The following CTBP2 variants were observed in gnomAD, a reference collection of about 807,000 sequenced individuals.
The protein encoded by CTBP2 is C-terminal binding protein 2.
CTBP2 carries 30 observed loss-of-function variants against 80.3 expected under a neutral mutation model. The observed-to-expected ratio is 0.37, with a 90% confidence interval of 0.28 to 0.51. The LOEUF (loss-of-function observed/expected upper bound fraction) is 0.51. CTBP2 is among the 20% of genes least tolerant of loss of function. The probability of loss-of-function intolerance (pLI) is 0.93; values close to 1 mark genes in which losing one functional copy is unlikely to be tolerated. For synonymous variants in CTBP2, 594 were observed against 587.4 expected (o/e 1.01, Z -0.16); for missense variants, 1,212 against 1,375.3 (o/e 0.88, Z 1.88).
At chr10:125,078,966 C>A (rs1846730109) in intron 2 of CTBP2, among the ~76,000 whole-genome samples, 1 of 143,118 alleles carries the variant, frequency 7.0e-6, no homozygotes, top group South Asian at 2.4e-4. Flanking sequence ...TGGTGAAACC[C>A]TGTCTCTACT....
chr10:124,991,752 A>G (rs986936159), intron 8 of CTBP2, among the ~76,000 whole-genome samples: 2 of 152,176 alleles, frequency 1.3e-5, no homozygotes, highest in East Asian at 3.8e-4. Flanking sequence ...GAAGAGAATG[A>G]TCTGGCCCCA....
At position 125,082,589 on chromosome 10, in the gene CTBP2, C is replaced by CTTTT. The variant is rs71486514; in HGVS notation, c.-102+28397_-102+28400dup. On this transcript the variant is annotated intron_variant, in intron 2 of 10. Transcript: ENST00000337195. ...CCATGATCATTCTGCCAGCTTTCCT[C>CTTTT]TTTTTTTTTTTTTTTTTTGAAACAG... Among the ~76,000 whole-genome samples, 47 of 131,040 alleles carry CTTTT rather than the reference C, an allele frequency of 3.6e-4. 1 individual carries two copies. The highest frequency in any genetic ancestry group is 6.1e-4 in the Admixed American group (8 of 13,096). 86.0% of individuals were successfully genotyped at this position (131,040 alleles called of 152,430 possible).
In CTBP2 at chr10:124,984,572, TC is replaced by T. The variant is rs1951990824; in HGVS notation, c.*4945del. 9.2e-6 allele frequency: 5 copies of T among 541,104 alleles called. No homozygotes were observed. Among genetic ancestry groups the T allele is most frequent in the African/African-American group, 3.8e-5 (2 of 52,826 alleles). The allele number at this position is 541,104 out of a possible 1,614,324, so 33.5% of individuals were successfully genotyped here. On this transcript the variant is annotated 3_prime_UTR_variant, in exon 9 of 9. Coordinates refer to ENST00000309035, the MANE Select transcript of CTBP2 (RefSeq NM_022802.3). The stretch of plus-strand genomic sequence containing the variant: ...CTCTTTAGTTTTTTTCTGAGAAATT[TC>T]CCATTTATGTCTTTTTAAATTTAAC...
chr10:125,162,096 C>A (rs1298741613), upstream of CTBP2, among the ~76,000 whole-genome samples: 1 of 152,238 alleles, frequency 6.6e-6, no homozygotes, highest in Non-Finnish European at 1.5e-5. Flanking sequence ...GTTCGGCGTG[C>A]GTCCTCCAAG....
At chr10:125,084,102 T>C (rs12776607) in intron 2 of CTBP2, among the ~76,000 whole-genome samples, 23,311 of 152,056 alleles carry the variant, frequency 0.15, 1,891 homozygotes, top group Middle Eastern at 0.24. Flanking sequence ...TTTTGATTTT[T>C]TGTAGAGAAG....
intron 2 of CTBP2, among the ~76,000 whole-genome samples, chr10:125,108,633 C>T (rs567049979): frequency 3.3e-5 from 5 of 150,954 alleles, no homozygotes; most frequent in African/African-American, 1.2e-4. Context: ...AGCAAACACA[C>T]GCCTTCTGGG....
chr10:124,994,067 C>T, intron 5 of CTBP2, 82 bp from the exon 8 acceptor site: 2 of 1,566,490 alleles, frequency 1.3e-6, no homozygotes, highest in South Asian at 1.2e-5. Flanking sequence ...AAGAAAGCTG[C>T]AAGCTAGTTT....
chr10:125,098,708 C>CAGAG (rs1850045599), intron 2 of CTBP2, among the ~76,000 whole-genome samples: 12 of 65,740 alleles, frequency 1.8e-4, no homozygotes, highest in Non-Finnish European at 2.0e-4. Flanking sequence ...GAGAGAGAGA[C>CAGAG]AGAGAGAGAG....
At chr10:125,113,840 G>A (rs76924178) in intron 1 of CTBP2, among the ~76,000 whole-genome samples, 4,954 of 152,222 alleles carry the variant, frequency 0.033, 110 homozygotes, top group Middle Eastern at 0.088. Context: ...ATTTCAAGCC[G>A]GGCGTTCAAG....
intron 2 of CTBP2, among the ~76,000 whole-genome samples, chr10:125,098,078 A>C (rs929714120): frequency 3.9e-5 from 6 of 152,310 alleles, no homozygotes; most frequent in Middle Eastern, 3.4e-3. Context: ...CCGAGATCGC[A>C]CCACTGCACT....
At chr10:125,081,228 C>T (rs1055530768) in intron 2 of CTBP2, among the ~76,000 whole-genome samples, 1 of 152,122 alleles carries the variant, frequency 6.6e-6, no homozygotes, top group Non-Finnish European at 1.5e-5. Context: ...TGTCATGGTA[C>T]AAAGGAGGAC....
At chr10:125,041,769 C>A (rs566054565) in intron 2 of CTBP2, among the ~76,000 whole-genome samples, 1 of 152,252 alleles carries the variant, frequency 6.6e-6, no homozygotes, top group East Asian at 1.9e-4. Flanking sequence ...ACCCTCCTCC[C>A]CCAACCCCCG....
intron 2 of CTBP2, among the ~76,000 whole-genome samples, chr10:125,047,405 T>C (rs1961532255): frequency 6.6e-6 from 1 of 152,238 alleles, no homozygotes; most frequent in African/African-American, 2.4e-5. Flanking sequence ...TCATCTTTTG[T>C]TACATACAGT....
intron 2 of CTBP2, among the ~76,000 whole-genome samples, chr10:125,101,797 A>G (rs1850669486): frequency 6.6e-6 from 1 of 152,206 alleles, no homozygotes; most frequent in African/African-American, 2.4e-5. Flanking sequence ...CATCTCCCAC[A>G]TGCTAAGCCT....
chr10:125,139,424 A>T (rs1029202055), intron 1 of CTBP2, among the ~76,000 whole-genome samples: 3 of 150,344 alleles, frequency 2.0e-5, no homozygotes, highest in African/African-American at 7.3e-5. Flanking sequence ...TAATTATTCC[A>T]CCAAATTAAT....
At chr10:125,005,701 G>A in intron 1 of CTBP2, 1 of 1,612,912 alleles carries the variant, frequency 6.2e-7, no homozygotes, top group Non-Finnish European at 8.5e-7. Context: ...TAAGAAAATG[G>A]TACAACTGCC....
intron 2 of CTBP2, among the ~76,000 whole-genome samples, chr10:125,042,539 G>A (rs1020312128): frequency 3.3e-5 from 5 of 152,220 alleles, no homozygotes; most frequent in Non-Finnish European, 5.9e-5. Flanking sequence ...ATCATGCCAG[G>A]GGCGGAATCG....
At chr10:125,102,969 C>T (rs968489424) in intron 2 of CTBP2, among the ~76,000 whole-genome samples, 1 of 152,168 alleles carries the variant, frequency 6.6e-6, no homozygotes, top group East Asian at 1.9e-4. Context: ...CCACAGGTGG[C>T]GGGAGAGTAC....
In CTBP2 at chr10:124,985,948, C is replaced by T. The variant is rs1043163673; in HGVS notation, c.*3570G>A. On this transcript the variant is annotated 3_prime_UTR_variant, in exon 9 of 9. Transcript: ENST00000309035. ...ATCTTGTTAGAAGGGCATGCCTTTG[C>T]TTAGGCAGATTGGGAATACCAATTC... The T allele has an allele frequency of 7.2e-5, 11 of 152,300 alleles. No individual in the cohort carries two copies. The highest frequency in any genetic ancestry group is 2.6e-4 in the Admixed American group (4 of 15,294). The allele number at this position is 152,300 out of a possible 1,614,324, so 9.4% of individuals were successfully genotyped here. A position where few individuals can be genotyped will look rare whatever the true frequency, so the allele number is the denominator to read the frequency against.
Sources: gnomAD v4.1 joint callset for allele counts (sites outside exome capture counted in the v4.1 genomes callset) on GRCh38, gnomAD v4.1.1 for gene constraint, MANE v1.5 for transcripts, NCBI Gene and HGNC (gene_info 2026-07-23, HGNC 2026-07-21) for gene names.